Variants in FSIP1 observed in about 807,000 individuals in gnomAD.
The protein encoded by FSIP1 is fibrous sheath interacting protein 1, also known as fibrous sheath-interacting protein 1.
FSIP1 carries 65 observed loss-of-function variants against 60.9 expected under a neutral mutation model. That is an observed-to-expected ratio of 1.07 (90% confidence interval 0.87 to 1.31). The LOEUF is 1.31. Ranked by LOEUF, FSIP1 falls within the 40% of genes most tolerant of loss-of-function variation. FSIP1 has a pLI of 0.00. For synonymous variants in FSIP1, 209 were observed against 221.2 expected, an observed-to-expected ratio of 0.94 and a Z score of 0.49; for missense variants, 675 against 665.5, an observed-to-expected ratio of 1.01 and a Z score of -0.16.
intron 5 of FSIP1, among the ~76,000 whole-genome samples, chr15:39,747,991 T>A (rs1250601201): frequency 6.6e-6 from 1 of 152,158 alleles, no homozygotes; most frequent in Non-Finnish European, 1.5e-5. Flanking sequence ...CATCTATTTA[T>A]CCCTTCATGT....
intron 9 of FSIP1, among the ~76,000 whole-genome samples, chr15:39,720,133 TA>T (rs765841520): frequency 2.0e-5 from 3 of 152,190 alleles, no homozygotes; most frequent in Non-Finnish European, 2.9e-5. Flanking sequence ...TTACTGGAAC[TA>T]TACAAATCCC....
At chr15:39,611,941 T>C (rs1223556829) in intron 11 of FSIP1, among the ~76,000 whole-genome samples, 4 of 152,126 alleles carry the variant, frequency 2.6e-5, no homozygotes, top group African/African-American at 4.8e-5. Context: ...TATATAATGA[T>C]AAAGGGATCA....
At chr15:39,633,480 A>G (rs1210364584) in intron 10 of FSIP1, among the ~76,000 whole-genome samples, 2 of 152,208 alleles carry the variant, frequency 1.3e-5, no homozygotes, top group Admixed American at 1.3e-4. Context: ...TCAACAGTTA[A>G]TTAAGCCAGG....
At chr15:39,705,859 G>A (rs534697067) in intron 10 of FSIP1, among the ~76,000 whole-genome samples, 1 of 152,110 alleles carries the variant, frequency 6.6e-6, no homozygotes, top group Non-Finnish European at 1.5e-5. Context: ...TTAGCCGGGT[G>A]TGCTGGTGCA....
downstream of FSIP1, chr15:39,599,285 C>A (rs991635572): frequency 6.6e-6 from 1 of 152,132 alleles, no homozygotes. Context: ...GTTAGAGTTA[C>A]CTTCAGTTGA....
intron 10 of FSIP1, among the ~76,000 whole-genome samples, chr15:39,698,006 A>T (rs1051763819): frequency 1.3e-5 from 2 of 151,832 alleles, no homozygotes; most frequent in Admixed American, 6.6e-5. Flanking sequence ...TTAAAAAAAA[A>T]AATAAACCAA....
At chr15:39,764,889 C>T (rs1241516378) in intron 4 of FSIP1, among the ~76,000 whole-genome samples, 2 of 152,158 alleles carry the variant, frequency 1.3e-5, no homozygotes, top group Non-Finnish European at 2.9e-5. Context: ...TATCTCCAAA[C>T]TATAAGGCTG....
Position 39,763,930 on chromosome 15 carries a change from T to G in FSIP1, c.466-16A>C. On this transcript the variant is annotated splice_polypyrimidine_tract_variant and intron_variant, in intron 4 of 11. Transcript: ENST00000350221. Reference sequence around the variant, plus strand: ...ATTTTGCAGACTAATGAAAGGAAAATTAAAATTTAAACATGGGAAAAGAAG... The same window carrying G: ...ATTTTGCAGACTAATGAAAGGAAAAGTAAAATTTAAACATGGGAAAAGAAG... The G allele has an allele frequency of 7.3e-7, 1 of 1,365,572 alleles. No individual in the cohort carries two copies. Among genetic ancestry groups the G allele is most frequent in the Non-Finnish European group, 1.0e-6 (1 of 966,814 alleles). 84.6% of individuals were successfully genotyped at this position (1,365,572 alleles called of 1,614,324 possible). A position where few individuals can be genotyped will look rare whatever the true frequency, so the allele number is the denominator to read the frequency against.
intron 11 of FSIP1, among the ~76,000 whole-genome samples, chr15:39,607,048 G>A (rs1890851904): frequency 1.3e-5 from 2 of 152,180 alleles, no homozygotes; most frequent in Admixed American, 1.3e-4. Context: ...CCCACAAGGA[G>A]GAACTTGCAG....
At chr15:39,738,022 T>C (rs1896671668) in intron 8 of FSIP1, 69 bp downstream of exon 8, 1 of 891,750 alleles carries the variant, frequency 1.1e-6, no homozygotes, top group Non-Finnish European at 1.7e-6. Context: ...TTTATGATAC[T>C]GGGCCAATAA....
intron 9 of FSIP1, among the ~76,000 whole-genome samples, chr15:39,723,291 C>T (rs562364309): frequency 3.9e-5 from 6 of 152,138 alleles, no homozygotes; most frequent in African/African-American, 7.2e-5. Context: ...TACAGTGGCG[C>T]GATCTTGGCT....
chr15:39,657,947 A>T (rs543176282), intron 10 of FSIP1, among the ~76,000 whole-genome samples: 6 of 152,242 alleles, frequency 3.9e-5, no homozygotes, highest in Non-Finnish European at 7.3e-5. Context: ...CATTCCTTCG[A>T]GAACAGCATA....
At chr15:39,727,873 T>C (rs145510313) in intron 8 of FSIP1, among the ~76,000 whole-genome samples, 103 of 152,336 alleles carry the variant, frequency 6.8e-4, no homozygotes, top group African/African-American at 2.4e-3. Flanking sequence ...AACATGATTC[T>C]ATACCTAAAA....
At chr15:39,653,132 C>T (rs955836956) in intron 10 of FSIP1, among the ~76,000 whole-genome samples, 3 of 150,246 alleles carry the variant, frequency 2.0e-5, no homozygotes, top group African/African-American at 4.9e-5. Context: ...GTGGAGACCA[C>T]GCCAGTGCAC....
At chr15:39,712,281 C>T (rs1472616620) in intron 10 of FSIP1, among the ~76,000 whole-genome samples, 1 of 152,066 alleles carries the variant, frequency 6.6e-6, no homozygotes, top group African/African-American at 2.4e-5. Flanking sequence ...TTGTGGCACA[C>T]TCTCAGGGGC....
chr15:39,649,229 C>T (rs1892763022), intron 10 of FSIP1, among the ~76,000 whole-genome samples: 1 of 152,110 alleles, frequency 6.6e-6, no homozygotes, highest in Non-Finnish European at 1.5e-5. Flanking sequence ...ATGAAAAGAC[C>T]AAAAACACCT....
At position 39,780,714 on chromosome 15, in the gene FSIP1, A is replaced by C. The variant is rs577998042; in HGVS notation, c.-8+1914T>G. The stretch of plus-strand genomic sequence containing the variant: ...TCAAAATGTATCACAGACCTAAAGT[A>C]AAACTTCACACTATAAAATTTTCTT... On this transcript the variant is annotated intron_variant, in intron 1 of 11. Coordinates refer to ENST00000350221, the MANE Select transcript of FSIP1 (RefSeq NM_152597.5). Among the ~76,000 whole-genome samples the C allele has an allele frequency of 7.7e-4, 117 of 152,324 alleles. 1 individual carries two copies. Among genetic ancestry groups the C allele is most frequent in the African/African-American group, 2.7e-3 (114 of 41,578 alleles).
At chr15:39,745,435 G>A (rs759477454) in intron 5 of FSIP1, among the ~76,000 whole-genome samples, 12 of 152,126 alleles carry the variant, frequency 7.9e-5, no homozygotes, top group Non-Finnish European at 1.0e-4. Flanking sequence ...CAAAACACTT[G>A]TAATATTAAA....
chr15:39,700,872 T>C (rs1895028880), intron 10 of FSIP1, among the ~76,000 whole-genome samples: 1 of 152,156 alleles, frequency 6.6e-6, no homozygotes, highest in Non-Finnish European at 1.5e-5. Context: ...ACAGCTTTGA[T>C]TGGATGCAGT....
Sources: allele counts gnomAD v4.1 joint callset (sites outside exome capture counted in the v4.1 genomes callset), GRCh38; gene constraint gnomAD v4.1.1; transcripts MANE v1.5; gene names NCBI Gene and HGNC (gene_info 2026-07-23, HGNC 2026-07-21).